The following NTM variants were observed in gnomAD, a reference collection of about 807,000 sequenced individuals.
NTM encodes neurotrimin.
In NTM, 13 loss-of-function variants were observed where a neutral mutation model predicts 42.1. The ratio of observed to expected loss-of-function variants is 0.31; its 90% CI spans 0.20 to 0.49. The LOEUF (loss-of-function observed/expected upper bound fraction) is 0.49, where lower values mean the gene tolerates loss of function less well. Ranked by LOEUF, NTM falls within the 20% of genes least tolerant of loss-of-function variation. NTM has a pLI of 0.99. For synonymous variants in NTM, 187 were observed against 179.2 expected, an observed-to-expected ratio of 1.04 and a Z score of -0.35; for missense variants, 373 against 452.8, an observed-to-expected ratio of 0.82 and a Z score of 1.60.
intron 3 of NTM, among the ~76,000 whole-genome samples, chr11:132,190,736 TAA>T (rs35431586): frequency 1.6e-4 from 21 of 132,698 alleles, no homozygotes; most frequent in Admixed American, 3.1e-4. Flanking sequence ...GAATCCATCT[TAA>T]AAAAAAAAAA....
intron 4 of NTM, among the ~76,000 whole-genome samples, chr11:132,248,690 A>T (rs1014322775): frequency 7.2e-5 from 11 of 152,246 alleles, no homozygotes; most frequent in African/African-American, 2.7e-4. Flanking sequence ...GTGGTCCACC[A>T]CGCATCAGGT....
At chr11:132,103,090 A>G (rs967271652) in intron 2 of NTM, among the ~76,000 whole-genome samples, 1 of 152,094 alleles carries the variant, frequency 6.6e-6, no homozygotes. Flanking sequence ...TTTCATCCCT[A>G]CCATGCCTAT....
intron 1 of NTM, among the ~76,000 whole-genome samples, chr11:131,613,876 A>G (rs999241638): frequency 6.6e-6 from 1 of 152,152 alleles, no homozygotes; most frequent in Admixed American, 6.5e-5. Context: ...GTGGCTGAGG[A>G]AACAGAGGAA....
intron 1 of NTM, among the ~76,000 whole-genome samples, chr11:131,584,558 A>G (rs2058690694): frequency 6.6e-6 from 1 of 152,176 alleles, no homozygotes; most frequent in Non-Finnish European, 1.5e-5. Context: ...CAGAGAAACA[A>G]TCTGTCATCT....
At chr11:132,041,233 G>GAGAGAGAGAT (rs1194929823) in intron 2 of NTM, among the ~76,000 whole-genome samples, 23 of 20,092 alleles carry the variant, frequency 1.1e-3, no homozygotes, top group African/African-American at 4.0e-3. Flanking sequence ...GAGATAGATA[G>GAGAGAGAGAT]AGAGAGAGAG....
intron 1 of NTM, among the ~76,000 whole-genome samples, chr11:131,452,760 C>T (rs1469349807): frequency 2.6e-5 from 4 of 152,204 alleles, no homozygotes; most frequent in African/African-American, 9.6e-5. Context: ...CTGCACCCTT[C>T]TCCTGCAGTG....
At chr11:132,198,193 C>T (rs960416470) in intron 3 of NTM, among the ~76,000 whole-genome samples, 1 of 152,126 alleles carries the variant, frequency 6.6e-6, no homozygotes, top group Admixed American at 6.6e-5. Context: ...AAACATATGT[C>T]TGTTTATACA....
At chr11:132,242,434 G>T (rs2090373679) in intron 4 of NTM, among the ~76,000 whole-genome samples, 5 of 152,194 alleles carry the variant, frequency 3.3e-5, no homozygotes, top group Admixed American at 3.3e-4. Context: ...AAAATGGTGG[G>T]TGGGGACAGA....
intron 1 of NTM, among the ~76,000 whole-genome samples, chr11:131,548,185 G>A (rs1267418378): frequency 2.6e-5 from 4 of 152,226 alleles, no homozygotes; most frequent in East Asian, 1.9e-4. Flanking sequence ...ATTTTACTTG[G>A]TAGTTAATAA....
At chr11:131,905,937 A>C (rs1248080057) in intron 1 of NTM, among the ~76,000 whole-genome samples, 1 of 152,196 alleles carries the variant, frequency 6.6e-6, no homozygotes, top group Non-Finnish European at 1.5e-5. Flanking sequence ...CAGGCTAGGC[A>C]GACCTCAGCT....
At chr11:131,950,174 C>T (rs2060814933) in intron 2 of NTM, among the ~76,000 whole-genome samples, 1 of 152,122 alleles carries the variant, frequency 6.6e-6, no homozygotes, top group Admixed American at 6.5e-5. Flanking sequence ...CCTGGGTTGC[C>T]CTAGAGGCCT....
At chr11:131,773,603 G>C (rs931406716) in intron 1 of NTM, among the ~76,000 whole-genome samples, 2 of 152,124 alleles carry the variant, frequency 1.3e-5, no homozygotes, top group African/African-American at 4.8e-5. Flanking sequence ...TTTTAAATCA[G>C]AAATAAATTA....
At chr11:131,477,360 T>C (rs1208657407) in intron 1 of NTM, among the ~76,000 whole-genome samples, 5 of 151,398 alleles carry the variant, frequency 3.3e-5, no homozygotes. Flanking sequence ...GTCTCCCAAC[T>C]CCAAGTCTTG....
At chr11:131,945,265 T>G (rs1420200217) in intron 2 of NTM, among the ~76,000 whole-genome samples, 1 of 152,230 alleles carries the variant, frequency 6.6e-6, no homozygotes. Flanking sequence ...GCAAGAGGTC[T>G]GCTGTAGCAC....
chr11:131,446,697 G>A (rs1001277719), intron 1 of NTM, among the ~76,000 whole-genome samples: 1 of 152,186 alleles, frequency 6.6e-6, no homozygotes, highest in Non-Finnish European at 1.5e-5. Flanking sequence ...TCTGACTCAA[G>A]GTTTGGGATC....
intron 1 of NTM, among the ~76,000 whole-genome samples, chr11:131,552,254 A>G (rs949836392): frequency 6.6e-6 from 1 of 152,222 alleles, no homozygotes; most frequent in Admixed American, 6.5e-5. Context: ...ACGTCATGTC[A>G]TGGTAAGTAT....
At chr11:132,286,324 C>T (rs2094228576) in intron 4 of NTM, among the ~76,000 whole-genome samples, 1 of 152,156 alleles carries the variant, frequency 6.6e-6, no homozygotes, top group African/African-American at 2.4e-5. Context: ...TGCCACTCTG[C>T]ACTTCATCTC....
intron 1 of NTM, among the ~76,000 whole-genome samples, chr11:131,570,577 C>T (rs1408571756): frequency 6.6e-6 from 1 of 152,202 alleles, no homozygotes; most frequent in East Asian, 1.9e-4. Context: ...GTAATCCCAG[C>T]ACTTTGGGAG....
At chr11:131,526,220 C>T (rs1224670898) in intron 1 of NTM, among the ~76,000 whole-genome samples, 1 of 152,196 alleles carries the variant, frequency 6.6e-6, no homozygotes, top group Non-Finnish European at 1.5e-5. Context: ...TTTGGACTCC[C>T]AGTCTGACCC....
Sources: gnomAD v4.1 joint callset for allele counts (sites outside exome capture counted in the v4.1 genomes callset) on GRCh38, gnomAD v4.1.1 for gene constraint, MANE v1.5 for transcripts, NCBI Gene and HGNC (gene_info 2026-07-23, HGNC 2026-07-21) for gene names.